Variants in CSMD1 observed in about 807,000 individuals in gnomAD.
CSMD1 encodes the protein CUB and sushi domain-containing protein 1.
Under a neutral mutation model 417.5 loss-of-function variants are expected in CSMD1, and 213 were observed. The observed-to-expected ratio is 0.51, with a 90% CI of 0.46 to 0.57. CSMD1 has a LOEUF of 0.57. CSMD1 is among the 20% of genes least tolerant of loss of function. The pLI is 0.00. For synonymous variants in CSMD1, 2,862 were observed against 1,736.8 expected (o/e 1.65, Z -16.11); for missense variants, 6,923 against 4,529.7 (o/e 1.53, Z -15.17).
chr8:3,193,486 C>G (rs1796534376), intron 33 of CSMD1, among the ~76,000 whole-genome samples: 1 of 152,070 alleles, frequency 6.6e-6, no homozygotes, highest in Non-Finnish European at 1.5e-5. Context: ...GGAAATCAGA[C>G]AGTGCTGTGT....
At chr8:3,956,576 T>C (rs571927558) in intron 5 of CSMD1, among the ~76,000 whole-genome samples, 5 of 152,368 alleles carry the variant, frequency 3.3e-5, no homozygotes, top group African/African-American at 1.2e-4. Flanking sequence ...TATCAAATAC[T>C]GTGCCCCATG....
intron 3 of CSMD1, among the ~76,000 whole-genome samples, chr8:4,049,174 G>T (rs1057420476): frequency 2.0e-5 from 3 of 151,904 alleles, no homozygotes; most frequent in Non-Finnish European, 4.4e-5. Flanking sequence ...TAACATCAAA[G>T]AGTCTATCTT....
At chr8:4,461,739 TTA>T (rs1491384240) in intron 2 of CSMD1, among the ~76,000 whole-genome samples, 3 of 52,708 alleles carry the variant, frequency 5.7e-5, no homozygotes, top group Non-Finnish European at 9.6e-5. Context: ...ATTTATTTAC[TTA>T]TTTTTTTTTT....
At chr8:4,407,225 C>T (rs760828364) in intron 3 of CSMD1, among the ~76,000 whole-genome samples, 1 of 152,164 alleles carries the variant, frequency 6.6e-6, no homozygotes, top group Non-Finnish European at 1.5e-5. Flanking sequence ...TCCAGCTCTT[C>T]TATGCCACAG....
intron 18 of CSMD1, among the ~76,000 whole-genome samples, chr8:3,372,820 C>T (rs1222059239): frequency 6.6e-6 from 1 of 152,094 alleles, no homozygotes; most frequent in Non-Finnish European, 1.5e-5. Flanking sequence ...AGAAGGGAGA[C>T]CACAACTATG....
chr8:3,170,044 A>C (rs543554899), intron 37 of CSMD1, among the ~76,000 whole-genome samples: 1 of 152,248 alleles, frequency 6.6e-6, no homozygotes, highest in Non-Finnish European at 1.5e-5. Flanking sequence ...ACACAAGTGC[A>C]GGAGTCGCGT....
At chr8:4,859,073 G>C (rs1167084098) in intron 1 of CSMD1, among the ~76,000 whole-genome samples, 1 of 151,736 alleles carries the variant, frequency 6.6e-6, no homozygotes, top group Non-Finnish European at 1.5e-5. Context: ...CAGAGATATA[G>C]ATCAATGGAA....
chr8:3,181,250 C>A (rs534147411), intron 36 of CSMD1, 36 bp from the exon 37 acceptor site: 1 of 1,316,888 alleles, frequency 7.6e-7, no homozygotes, highest in East Asian at 2.3e-5. Context: ...TGTAACACTA[C>A]AAATACATTC....
At chr8:3,133,372 T>A (rs1459702007) in intron 41 of CSMD1, among the ~76,000 whole-genome samples, 1 of 152,192 alleles carries the variant, frequency 6.6e-6, no homozygotes, top group Non-Finnish European at 1.5e-5. Context: ...GAGCCTCCCC[T>A]TTACAATCGT....
intron 3 of CSMD1, among the ~76,000 whole-genome samples, chr8:4,156,933 A>G (rs1425903349): frequency 1.3e-5 from 2 of 152,160 alleles, no homozygotes; most frequent in Admixed American, 6.6e-5. Context: ...GAGGGTTACG[A>G]AACTTTATCT....
intron 3 of CSMD1, among the ~76,000 whole-genome samples, chr8:4,147,790 C>T (rs1254115155): frequency 1.3e-5 from 2 of 152,182 alleles, no homozygotes; most frequent in East Asian, 3.9e-4. Flanking sequence ...GAGCCTGACC[C>T]AATGTGCCGA....
Position 3,003,836 on chromosome 8 carries a change from G to A in CSMD1, c.8030-3705C>T, listed in dbSNP as rs867070529. ...GCTTGTTAGCCAGGAAAAGGTGATG[G>A]CAAGACATTCTAGCCACAGAAATTA... On this transcript the variant is annotated intron_variant, in intron 52 of 69. Transcript: ENST00000635120. 2.0e-5 allele frequency among the ~76,000 whole-genome samples: 3 copies of A among 152,240 alleles called. No individual in the cohort carries two copies. In the South Asian group the frequency reaches 6.2e-4, roughly 32 times the overall value.
intron 5 of CSMD1, among the ~76,000 whole-genome samples, chr8:3,933,697 C>A (rs1220364014): frequency 1.3e-5 from 2 of 152,084 alleles, no homozygotes; most frequent in East Asian, 1.9e-4. Flanking sequence ...GCAATTTGTG[C>A]TCCTTTTGTA....
chr8:4,019,574 T>C (rs1477712312), intron 4 of CSMD1, among the ~76,000 whole-genome samples: 1 of 152,196 alleles, frequency 6.6e-6, no homozygotes, highest in Non-Finnish European at 1.5e-5. Context: ...ATCTGTGTTT[T>C]ACGGTCTGCT....
intron 10 of CSMD1, among the ~76,000 whole-genome samples, chr8:3,496,693 G>C (rs989767747): frequency 2.0e-5 from 3 of 152,088 alleles, no homozygotes; most frequent in Admixed American, 2.0e-4. Context: ...TGGCATGGTG[G>C]CGTGTGCCTA....
At position 3,681,899 on chromosome 8, in the gene CSMD1, T is replaced by C. The variant is rs569824053; in HGVS notation, c.1009+26515A>G. On this transcript the variant is annotated intron_variant, in intron 7 of 69. Transcript: ENST00000635120. ...AGAAATAATACCACACATCTACGAC[T>C]ATCTGATCTTTGACAAATCTGACAA... 3.5e-3 allele frequency among the ~76,000 whole-genome samples: 532 copies of C among 152,210 alleles called. 6 individuals carry two copies. The highest frequency in any genetic ancestry group is 8.7e-3 in the Admixed American group (133 of 15,284).
intron 1 of CSMD1, among the ~76,000 whole-genome samples, chr8:4,705,446 A>G (rs1490808934): frequency 6.6e-6 from 1 of 152,204 alleles, no homozygotes; most frequent in Non-Finnish European, 1.5e-5. Context: ...CCTGTCATTC[A>G]AAAGTGTGCT....
At chr8:4,732,184 G>C (rs142667136) in intron 1 of CSMD1, among the ~76,000 whole-genome samples, 3 of 152,250 alleles carry the variant, frequency 2.0e-5, no homozygotes, top group East Asian at 1.9e-4. Context: ...TTCGGTAGCA[G>C]ACCGCAGACA....
chr8:3,006,008 T>C (rs1161790557), intron 52 of CSMD1, among the ~76,000 whole-genome samples: 1 of 152,144 alleles, frequency 6.6e-6, no homozygotes, highest in Non-Finnish European at 1.5e-5. Context: ...GACATGATTG[T>C]ATACCTAGAA....
Sources: gnomAD v4.1 joint callset for allele counts (sites outside exome capture counted in the v4.1 genomes callset) on GRCh38, gnomAD v4.1.1 for gene constraint, MANE v1.5 for transcripts, NCBI Gene and HGNC (gene_info 2026-07-23, HGNC 2026-07-21) for gene names.